The following FRMD4A variants were observed in gnomAD, a reference collection of about 807,000 sequenced individuals.
FRMD4A encodes FERM domain containing 4A.
FRMD4A carries 29 observed loss-of-function variants against 129.1 expected under a neutral mutation model. The ratio of observed to expected loss-of-function variants is 0.22; its 90% CI spans 0.17 to 0.31. FRMD4A has a LOEUF of 0.31. Ranked by LOEUF, FRMD4A falls within the 10% of genes least tolerant of loss-of-function variation. FRMD4A has a pLI of 1.00. For synonymous variants in FRMD4A, 634 were observed against 571.6 expected (o/e 1.11, Z -1.56); for missense variants, 1,272 against 1,375.8 (o/e 0.92, Z 1.19).
intron 2 of FRMD4A, among the ~76,000 whole-genome samples, chr10:13,895,292 T>C (rs1305270855): frequency 6.6e-6 from 1 of 152,208 alleles, no homozygotes; most frequent in African/African-American, 2.4e-5. Context: ...TATGTGTCCA[T>C]GTGTTCTCAT....
At chr10:14,235,278 C>T (rs10906634) in intron 2 of FRMD4A, among the ~76,000 whole-genome samples, 11,617 of 103,138 alleles carry the variant, frequency 0.11, 2,331 homozygotes, top group South Asian at 0.29. Context: ...GCCTCCCGAG[C>T]AGCTGAGTCC....
chr10:14,160,712 C>G (rs761412728), intron 2 of FRMD4A, among the ~76,000 whole-genome samples: 11 of 152,146 alleles, frequency 7.2e-5, no homozygotes, highest in Non-Finnish European at 1.6e-4. Flanking sequence ...CACCAATCAT[C>G]AGGGAAATGC....
chr10:14,115,820 C>A (rs564187921), intron 2 of FRMD4A, among the ~76,000 whole-genome samples: 11 of 152,316 alleles, frequency 7.2e-5, no homozygotes, highest in African/African-American at 2.6e-4. Context: ...GTCTGCAGAA[C>A]CAGAATAAGC....
chr10:14,052,235 C>T (rs985505298), intron 2 of FRMD4A, among the ~76,000 whole-genome samples: 4 of 152,144 alleles, frequency 2.6e-5, no homozygotes, highest in Admixed American at 2.0e-4. Context: ...CGACTTTCAG[C>T]CTCCAGAACT....
intron 2 of FRMD4A, among the ~76,000 whole-genome samples, chr10:14,004,681 T>C (rs1255086824): frequency 1.3e-5 from 2 of 152,264 alleles, no homozygotes; most frequent in African/African-American, 4.8e-5. Context: ...CTTGCATACA[T>C]TTTTGGTGAT....
intron 2 of FRMD4A, among the ~76,000 whole-genome samples, chr10:14,238,243 A>G (rs1843900876): frequency 1.3e-5 from 2 of 152,352 alleles, no homozygotes; most frequent in Middle Eastern, 3.4e-3. Flanking sequence ...GGATAGAATT[A>G]TGTTTCCAAG....
At chr10:13,654,676 G>A (rs1048459697) in intron 22 of FRMD4A, 164 bp from the exon 23 acceptor site, 1 of 601,648 alleles carries the variant, frequency 1.7e-6, no homozygotes, top group Non-Finnish European at 3.0e-6. Flanking sequence ...CTATGGCATG[G>A]TCACAGTGGG....
chr10:13,918,567 C>T (rs1247913398), intron 2 of FRMD4A, among the ~76,000 whole-genome samples: 3 of 152,090 alleles, frequency 2.0e-5, no homozygotes, highest in African/African-American at 7.2e-5. Context: ...CTCACTCTGT[C>T]GCCCAGGCTG....
At chr10:14,127,981 TCTCTCTCTC>T (rs1838977678) in intron 2 of FRMD4A, among the ~76,000 whole-genome samples, 11 of 18,208 alleles carry the variant, frequency 6.0e-4, no homozygotes, top group African/African-American at 3.0e-3. Context: ...TTTCTTTCCT[TCTCTCTCTC>T]TCTCTCTCTC....
At chr10:14,048,330 C>T (rs549712779) in intron 2 of FRMD4A, among the ~76,000 whole-genome samples, 3 of 152,304 alleles carry the variant, frequency 2.0e-5, no homozygotes, top group Admixed American at 6.5e-5. Context: ...TTGTAACTGC[C>T]TATTTGCTTC....
In FRMD4A at chr10:14,170,989, T is replaced by C. The variant is rs1007333101; in HGVS notation, c.45+159069A>G. On this transcript the variant is annotated intron_variant, in intron 2 of 24. Coordinates refer to ENST00000357447, the MANE Select transcript of FRMD4A (RefSeq NM_018027.5). The stretch of plus-strand genomic sequence containing the variant: ...CTGCAAATTTTGCAGCCACCATGAA[T>C]CACAAGACGCTGAATACGAGGGGAG... Among the ~76,000 whole-genome samples the C allele has an allele frequency of 6.6e-5, 10 of 150,916 alleles. No individual in the cohort carries two copies. The Admixed American group carries it at 6.7e-4, about 10-fold the overall frequency.
chr10:13,674,923 A>G lies in FRMD4A; in HGVS notation c.1239T>C (p.Cys413=). Reference sequence around the variant, plus strand: ...AGGAAAGGCTTACAGCTTCTCGGAGACACAGCTTCTTCAGTTCCTCCAGCC... The same window carrying G: ...AGGAAAGGCTTACAGCTTCTCGGAGGCACAGCTTCTTCAGTTCCTCCAGCC... ...RQRLEELKKL[C]LREAELTGKL... is the part of the protein sequence containing the mutation. Residue 413 remains cysteine (C), a synonymous_variant, in exon 16 of 25, where the codon TGT becomes TGC. Transcript: ENST00000357447. 1.2e-6 allele frequency: 2 copies of G among 1,614,168 alleles called. No homozygotes were observed. Among genetic ancestry groups the G allele is most frequent in the Non-Finnish European group, 1.7e-6 (2 of 1,179,978 alleles).
At chr10:14,245,412 G>A (rs1844198093) in intron 2 of FRMD4A, among the ~76,000 whole-genome samples, 1 of 152,174 alleles carries the variant, frequency 6.6e-6, no homozygotes, top group Admixed American at 6.5e-5. Context: ...AAAACACTGA[G>A]GGAGTAAGGT....
chr10:14,192,746 A>C (rs1200840413), intron 2 of FRMD4A, among the ~76,000 whole-genome samples: 2 of 152,240 alleles, frequency 1.3e-5, no homozygotes, highest in African/African-American at 2.4e-5. Context: ...AGTTTCCAGG[A>C]ATGAACATCT....
At chr10:14,051,576 G>A (rs1228267378) in intron 2 of FRMD4A, among the ~76,000 whole-genome samples, 2 of 152,226 alleles carry the variant, frequency 1.3e-5, no homozygotes, top group Non-Finnish European at 2.9e-5. Context: ...AGAACACAGA[G>A]AAGAGCTGCT....
intron 9 of FRMD4A, among the ~76,000 whole-genome samples, chr10:13,740,830 T>TTTTTG (rs2090954056): frequency 1.4e-5 from 2 of 144,346 alleles, no homozygotes; most frequent in South Asian, 4.6e-4. Context: ...GATGTTTGTT[T>TTTTTG]TTTTTTTTTT....
intron 2 of FRMD4A, among the ~76,000 whole-genome samples, chr10:14,019,211 T>C (rs1219011939): frequency 6.6e-6 from 1 of 151,500 alleles, no homozygotes; most frequent in African/African-American, 2.4e-5. Flanking sequence ...AGAAAGAATG[T>C]CTCAAAAAAG....
chr10:14,266,556 A>G (rs1385184168), intron 2 of FRMD4A, among the ~76,000 whole-genome samples: 3 of 151,658 alleles, frequency 2.0e-5, no homozygotes, highest in African/African-American at 7.3e-5. Context: ...TGTTTCACAC[A>G]AACACTCAGA....
chr10:13,872,191 G>A (rs542287884), intron 2 of FRMD4A, among the ~76,000 whole-genome samples: 1 of 152,170 alleles, frequency 6.6e-6, no homozygotes, highest in Non-Finnish European at 1.5e-5. Context: ...GCCCGGGGGC[G>A]CTGCAGGTCT....
Sources: gnomAD v4.1 joint callset for allele counts (sites outside exome capture counted in the v4.1 genomes callset) on GRCh38, gnomAD v4.1.1 for gene constraint, MANE v1.5 for transcripts, NCBI Gene and HGNC (gene_info 2026-07-23, HGNC 2026-07-21) for gene names.